The following BRD8 variants were observed in gnomAD, a reference collection of about 807,000 sequenced individuals.
The protein encoded by BRD8 is bromodomain containing 8, also known as bromodomain-containing protein 8.
In BRD8, 67 loss-of-function variants were observed where a neutral mutation model predicts 143.1. That is an observed-to-expected ratio of 0.47 (90% CI 0.38 to 0.57). The LOEUF (loss-of-function observed/expected upper bound fraction) is 0.57. Among genes scored for constraint, BRD8 ranks in the 20% least tolerant of loss-of-function variants. The pLI is 0.00. For synonymous variants in BRD8, 505 were observed against 517.1 expected (o/e 0.98, Z 0.32); for missense variants, 1,103 against 1,503.0 (o/e 0.73, Z 4.40).
chr5:138,166,171 A>T (rs1753405366), intron 10 of BRD8, 63 bp from the exon 11 acceptor site: 1 of 1,161,074 alleles, frequency 8.6e-7, no homozygotes, highest in Non-Finnish European at 1.3e-6. Context: ...CCACCTTGAG[A>T]TCACATAAGC....
intron 25 of BRD8, among the ~76,000 whole-genome samples, chr5:138,143,310 A>G (rs1217883450): frequency 6.6e-6 from 1 of 152,070 alleles, no homozygotes; most frequent in East Asian, 1.9e-4. Context: ...TAAAAATTTA[A>G]AAAATAATAA....
At chr5:138,145,638 G>A (rs746572188) in intron 24 of BRD8, 151 bp downstream of exon 24, 5 of 653,902 alleles carry the variant, frequency 7.6e-6, no homozygotes, top group South Asian at 2.0e-5. Flanking sequence ...GCAGCTGTGG[G>A]TACTTTGGGA....
At chr5:138,170,241 G>T in intron 7 of BRD8, 104 bp downstream of exon 7, 1 of 860,570 alleles carries the variant, frequency 1.2e-6, no homozygotes, top group Non-Finnish European at 1.9e-6. Flanking sequence ...AAAACTGCAA[G>T]TAAATTTAAA....
At chr5:138,152,346 C>G in intron 21 of BRD8, 136 bp downstream of exon 21, 1 of 1,218,928 alleles carries the variant, frequency 8.2e-7, no homozygotes, top group Non-Finnish European at 1.1e-6. Flanking sequence ...GAGGACATAG[C>G]AATGAACTTA....
chr5:138,155,886 T>G (rs1207564746), intron 20 of BRD8, among the ~76,000 whole-genome samples: 1 of 151,848 alleles, frequency 6.6e-6, no homozygotes, highest in African/African-American at 2.4e-5. Context: ...AGAACTATAT[T>G]TATTTGAGAA....
At chr5:138,166,820 ATGG>A (rs1235125648) in intron 9 of BRD8, 93 bp from the exon 10 acceptor site, 2 of 768,892 alleles carry the variant, frequency 2.6e-6, no homozygotes, top group African/African-American at 3.4e-5. Context: ...GAAAATTCTT[ATGG>A]TCTCAAAGGA....
intron 8 of BRD8, 56 bp from the exon 9 acceptor site, chr5:138,168,134 TC>T (rs1241168766): frequency 8.6e-5 from 115 of 1,339,748 alleles, no homozygotes; most frequent in Non-Finnish European, 1.2e-4. Context: ...CACTACCATT[TC>T]CCAACAAAGC....
At chr5:138,176,600 G>A (rs995355168) in intron 2 of BRD8, among the ~76,000 whole-genome samples, 1 of 152,030 alleles carries the variant, frequency 6.6e-6, no homozygotes, top group Non-Finnish European at 1.5e-5. Context: ...ATAGAAAGTA[G>A]ATGAGTGCTT....
At chr5:138,172,558 C>T (rs78139910) in intron 2 of BRD8, among the ~76,000 whole-genome samples, 16,378 of 117,468 alleles carry the variant, frequency 0.14, 1,688 homozygotes, top group East Asian at 0.57. Context: ...CCAATGAATG[C>T]GAGGTGTGCA....
chr5:138,149,944 T>A, intron 22 of BRD8, 147 bp from the exon 23 acceptor site: 2 of 745,108 alleles, frequency 2.7e-6, no homozygotes, highest in Non-Finnish European at 4.0e-6. Flanking sequence ...AAAGCTGACT[T>A]AACTAGATTT....
intron 23 of BRD8, among the ~76,000 whole-genome samples, chr5:138,148,159 GAAAAAAAAAAA>G (rs764280222): frequency 1.4e-5 from 1 of 73,654 alleles, no homozygotes; most frequent in Non-Finnish European, 2.6e-5. Flanking sequence ...TGATGAGCTG[GAAAAAAAAAAA>G]AAAAAAGAAA....
chr5:138,152,361 C>T, intron 21 of BRD8, 121 bp downstream of exon 21: 2 of 1,352,192 alleles, frequency 1.5e-6, no homozygotes, highest in African/African-American at 1.5e-5. Context: ...AACTTAATCC[C>T]TGCCACTGTG....
At chr5:138,156,842 A>AC in intron 20 of BRD8, 9 of 1,015,804 alleles carry the variant, frequency 8.9e-6, no homozygotes, top group Non-Finnish European at 1.1e-5. Context: ...ACACACACAC[A>AC]CACACACACA....
Position 138,165,006 on chromosome 5 carries a change from A to G in BRD8, c.1439T>C (p.Val480Ala). 6.2e-7 allele frequency: 1 copy of G among 1,613,980 alleles called. No homozygotes were observed. ...CTCAAAGTCCAGTCTCTCTTGCTTG[A>G]CCGTCATTTCTGGTGCAGGGAGAGG... The part of the protein sequence containing the change: ...PVPLPAPEMT[V>A]KQERLDFEET... The change falls in exon 12 of 27, where the codon GTC becomes GCC. Residue 480 changes from valine to alanine, a missense_variant. Transcript: ENST00000254900.
At chr5:138,169,870 A>T (rs1435605337) in intron 7 of BRD8, among the ~76,000 whole-genome samples, 2 of 152,186 alleles carry the variant, frequency 1.3e-5, no homozygotes, top group African/African-American at 4.8e-5. Context: ...GAGGCAGGAG[A>T]ATCACTTGAA....
chr5:138,173,558 C>G (rs1754063851), intron 2 of BRD8, among the ~76,000 whole-genome samples: 1 of 152,114 alleles, frequency 6.6e-6, no homozygotes, highest in South Asian at 2.1e-4. Context: ...CACACACACA[C>G]ACATACAAAA....
chr5:138,152,160 T>C (rs568987453), intron 21 of BRD8, among the ~76,000 whole-genome samples: 2 of 150,416 alleles, frequency 1.3e-5, no homozygotes, highest in Admixed American at 1.3e-4. Context: ...CCGGCCATTT[T>C]TGTATTTTTA....
intron 23 of BRD8, among the ~76,000 whole-genome samples, chr5:138,148,387 C>G (rs766647842): frequency 4.6e-5 from 7 of 151,982 alleles, no homozygotes; most frequent in Non-Finnish European, 1.0e-4. Flanking sequence ...GTTTTGTTTT[C>G]TGAGACAGGG....
chr5:138,177,776 A>C (rs1422456112), intron 1 of BRD8, 109 bp from the exon 2 acceptor site: 4 of 614,136 alleles, frequency 6.5e-6, no homozygotes, highest in Non-Finnish European at 1.1e-5. Flanking sequence ...AAAACATCCC[A>C]ACTTGTTAGG....
Sources: allele counts gnomAD v4.1 joint callset (sites outside exome capture counted in the v4.1 genomes callset), GRCh38; gene constraint gnomAD v4.1.1; transcripts MANE v1.5; gene names NCBI Gene and HGNC (gene_info 2026-07-23, HGNC 2026-07-21).